Variants in KIF26B observed in about 807,000 individuals in gnomAD.
The protein encoded by KIF26B is kinesin family member 26B.
KIF26B carries 63 observed loss-of-function variants against 151.2 expected under a neutral mutation model. The ratio of observed to expected loss-of-function variants is 0.42; its 90% confidence interval spans 0.34 to 0.51. The LOEUF is 0.51. KIF26B is among the 20% of genes least tolerant of loss of function. The pLI, the probability that KIF26B is intolerant of heterozygous loss-of-function variation, is 0.07. For synonymous variants in KIF26B, 1,357 were observed against 1,262.1 expected (o/e 1.08, Z -1.59); for missense variants, 2,813 against 2,913.6 (o/e 0.97, Z 0.79).
intron 5 of KIF26B, among the ~76,000 whole-genome samples, chr1:245,553,163 G>C (rs767405551): frequency 6.6e-6 from 1 of 152,194 alleles, no homozygotes; most frequent in South Asian, 2.1e-4. Flanking sequence ...CACCCCTGTG[G>C]GAAGCTTCCA....
rs1491214573 is a variant in KIF26B, at chr1:245,586,197, GTT to G, written c.1351-16378_1351-16377del. Among the ~76,000 whole-genome samples, 38 of 142,592 alleles carry G rather than the reference GTT, an allele frequency of 2.7e-4. 1 individual carries two copies. The highest frequency in any genetic ancestry group is 8.1e-4 in the African/African-American group (30 of 37,156). 93.5% of individuals were successfully genotyped at this position (142,592 alleles called of 152,430 possible). A position where few individuals can be genotyped will look rare whatever the true frequency, so the allele number is the denominator to read the frequency against. On this transcript the variant is annotated intron_variant, in intron 5 of 14. Transcript: ENST00000407071. Reference sequence around the variant, plus strand: ...TGTGTGTGTGTGTGTGTGTGTGTGTGTTTGTTTTAATAGAGACGGGGTCTTGC... The same window carrying G: ...TGTGTGTGTGTGTGTGTGTGTGTGTGTGTTTTAATAGAGACGGGGTCTTGC...
At chr1:245,529,987 C>A (rs1158772169) in intron 4 of KIF26B, among the ~76,000 whole-genome samples, 1 of 152,072 alleles carries the variant, frequency 6.6e-6, no homozygotes, top group African/African-American at 2.4e-5. Context: ...AAAAAAAAAT[C>A]TAATAATCCA....
intron 10 of KIF26B, among the ~76,000 whole-genome samples, chr1:245,656,944 T>C (rs2044081758): frequency 6.6e-6 from 1 of 152,206 alleles, no homozygotes; most frequent in African/African-American, 2.4e-5. Flanking sequence ...CCTAGTAATT[T>C]TGTAACTAAA....
At chr1:245,430,353 T>C (rs1024789369) in intron 4 of KIF26B, among the ~76,000 whole-genome samples, 1 of 152,070 alleles carries the variant, frequency 6.6e-6, no homozygotes, top group African/African-American at 2.4e-5. Context: ...CCTTCAGCAC[T>C]GACTCATTTA....
At chr1:245,373,143 C>T (rs1211231705) in intron 3 of KIF26B, among the ~76,000 whole-genome samples, 1 of 152,196 alleles carries the variant, frequency 6.6e-6, no homozygotes, top group Non-Finnish European at 1.5e-5. Flanking sequence ...TCTTGGACAA[C>T]AGGGACTCAT....
intron 3 of KIF26B, among the ~76,000 whole-genome samples, chr1:245,396,995 G>A (rs953707124): frequency 9.2e-6 from 1 of 108,792 alleles, no homozygotes; most frequent in Admixed American, 9.8e-5. Flanking sequence ...GTTTCACTTT[G>A]TTGCCCAGGC....
intron 3 of KIF26B, among the ~76,000 whole-genome samples, chr1:245,380,899 G>A (rs1270948714): frequency 1.3e-5 from 2 of 151,516 alleles, no homozygotes; most frequent in Non-Finnish European, 2.9e-5. Context: ...CTCCTCCCTG[G>A]GAGGTGGGGA....
chr1:245,156,437 G>A lies in KIF26B; in HGVS notation c.219G>A (p.Ser73=). The change falls in exon 2 of 15, where the codon TCG becomes TCA. Residue 73 remains serine (S), a synonymous_variant. Transcript: ENST00000407071. ...CCTCGGGGACCCCGTCTCCCGGCTC[G>A]GGCACCTCGTCCCCGAGCTCGTTCA... ...LGSSGTPSPG[S]GTSSPSSFTG... is the part of the protein sequence containing the mutation. 3.3e-6 allele frequency: 5 copies of A among 1,527,178 alleles called. No individual in the cohort carries two copies. The highest frequency in any genetic ancestry group is 4.4e-6 in the Non-Finnish European group (5 of 1,140,636). 94.6% of individuals were successfully genotyped at this position (1,527,178 alleles called of 1,614,324 possible).
At chr1:245,429,966 G>C (rs1658739173) in intron 4 of KIF26B, among the ~76,000 whole-genome samples, 1 of 152,118 alleles carries the variant, frequency 6.6e-6, no homozygotes, top group Non-Finnish European at 1.5e-5. Flanking sequence ...ATAAGGAAGA[G>C]ACTGAAGGGA....
chr1:245,232,407 C>T (rs1392392631), intron 2 of KIF26B, among the ~76,000 whole-genome samples: 1 of 152,134 alleles, frequency 6.6e-6, no homozygotes, highest in Non-Finnish European at 1.5e-5. Context: ...TTCTTACAAA[C>T]ATTAAAAATG....
At chr1:245,232,079 T>C (rs1670010479) in intron 2 of KIF26B, among the ~76,000 whole-genome samples, 1 of 152,238 alleles carries the variant, frequency 6.6e-6, no homozygotes, top group Admixed American at 6.5e-5. Flanking sequence ...GAGGGCTTCA[T>C]GTTTCAGAGA....
At chr1:245,182,436 A>T (rs1430466822) in intron 2 of KIF26B, among the ~76,000 whole-genome samples, 1 of 152,206 alleles carries the variant, frequency 6.6e-6, no homozygotes, top group South Asian at 2.1e-4. Context: ...GTAATATTCC[A>T]CTGTATAAAC....
chr1:245,521,995 A>G lies in KIF26B; in HGVS notation c.1167-18772A>G, dbSNP rs368933379. Reference sequence around the variant, plus strand: ...CGCCATTCTCCTGCCTCAGCCTCCCAAGTAGCTGGGACTACAGGCACCCGC... The same window carrying G: ...CGCCATTCTCCTGCCTCAGCCTCCCGAGTAGCTGGGACTACAGGCACCCGC... On this transcript the variant is annotated intron_variant, in intron 4 of 14. Coordinates refer to ENST00000407071, the MANE Select transcript of KIF26B (RefSeq NM_018012.4). Among the ~76,000 whole-genome samples, 1,409 of 151,254 alleles carry G rather than the reference A, an allele frequency of 9.3e-3. 10 individuals carry two copies. The highest frequency in any genetic ancestry group is 0.046 in the South Asian group (219 of 4,768).
intron 7 of KIF26B, among the ~76,000 whole-genome samples, chr1:245,608,231 A>G (rs1470814662): frequency 6.6e-6 from 1 of 152,174 alleles, no homozygotes; most frequent in African/African-American, 2.4e-5. Context: ...GCGTCTGGGA[A>G]AGGAGGCAGC....
intron 4 of KIF26B, among the ~76,000 whole-genome samples, chr1:245,529,720 C>T (rs777603373): frequency 1.3e-5 from 2 of 152,080 alleles, no homozygotes; most frequent in East Asian, 1.9e-4. Context: ...TTTATACTAT[C>T]GAAAGGAAAC....
At position 245,564,006 on chromosome 1, in the gene KIF26B, T is replaced by G. The variant is rs2042981359; in HGVS notation, c.1350+23056T>G. 6.6e-6 allele frequency among the ~76,000 whole-genome samples: 1 copy of G among 152,158 alleles called. No homozygotes were observed. The highest frequency in any genetic ancestry group is 1.5e-5 in the Non-Finnish European group (1 of 68,036). On this transcript the variant is annotated intron_variant, in intron 5 of 14. Transcript: ENST00000407071. This position sits in a 1 kb window ranked among gnomAD's most constrained non-coding sequence, Gnocchi z 4.6. Reference sequence around the variant, plus strand: ...GAATTAGGTTCCTCCACACCAAATGTGATCATTTCATTTCGCAGCTAGATT... The same window carrying G: ...GAATTAGGTTCCTCCACACCAAATGGGATCATTTCATTTCGCAGCTAGATT...
chr1:245,701,307 G>GGAAAGATCCATTTTTAGTTCTATT (rs2044768747), intron 14 of KIF26B, among the ~76,000 whole-genome samples: 1 of 152,202 alleles, frequency 6.6e-6, no homozygotes, highest in South Asian at 2.1e-4. Context: ...GGACTGGCAT[G>GGAAAGATCCATTTTTAGTTCTATT]GAAAGATCCA....
chr1:245,162,360 AC>A (rs1207147803), intron 2 of KIF26B, among the ~76,000 whole-genome samples: 6 of 139,538 alleles, frequency 4.3e-5, no homozygotes, highest in Admixed American at 1.4e-4. Context: ...CTATAGATGC[AC>A]CCATCAGAAA....
Position 245,598,489 on chromosome 1 carries a change from T to C in KIF26B, c.1351-4088T>C, listed in dbSNP as rs61458844. Among the ~76,000 whole-genome samples, 1,462 of 152,260 alleles carry C rather than the reference T, an allele frequency of 9.6e-3. 26 individuals carry two copies. The highest frequency in any genetic ancestry group is 0.034 in the African/African-American group (1,396 of 41,522). ...TGAAGAGCCTCCTACATGTGCACCA[T>C]GTGGCTACGCTCCGTGACGAGGGAA... On this transcript the variant is annotated intron_variant, in intron 5 of 14. Transcript: ENST00000407071.
Sources: gnomAD v4.1 joint callset for allele counts (sites outside exome capture counted in the v4.1 genomes callset) on GRCh38, gnomAD v4.1.1 for gene constraint, Gnocchi (gnomAD v3.1) non-coding constraint, MANE v1.5 for transcripts, NCBI Gene and HGNC (gene_info 2026-07-23, HGNC 2026-07-21) for gene names.